Variants in SLC36A3 observed in about 807,000 individuals in gnomAD.
SLC36A3 encodes proton-coupled amino acid transporter 3.
Under a neutral mutation model 44.3 loss-of-function variants are expected in SLC36A3, and 35 were observed. That is an observed-to-expected ratio of 0.79 (90% CI 0.60 to 1.05). The LOEUF (loss-of-function observed/expected upper bound fraction) is 1.05. SLC36A3 is among the 50% of genes least tolerant of loss of function. The pLI, the probability that SLC36A3 is intolerant of heterozygous loss-of-function variation, is 0.00. For missense variants in SLC36A3, 540 were observed against 578.7 expected (o/e 0.93, Z 0.69); for synonymous variants, 211 against 227.6 (o/e 0.93, Z 0.66).
chr5:151,284,312 G>A, intron 7 of SLC36A3, 102 bp from the exon 8 acceptor site: 2 of 1,224,876 alleles, frequency 1.6e-6, no homozygotes, highest in South Asian at 1.5e-5. Context: ...TTCCCCAGGT[G>A]GGCCCAGTAT....
intron 2 of SLC36A3, chr5:151,296,500 C>G: frequency 1.7e-6 from 1 of 576,022 alleles, no homozygotes; most frequent in Non-Finnish European, 3.1e-6. Context: ...ACAGAGAGCT[C>G]ATTACCTTCC....
chr5:151,287,347 A>G lies in SLC36A3; in HGVS notation c.607T>C (p.Leu203=). The G allele has an allele frequency of 6.2e-7, 1 of 1,614,174 alleles. No individual in the cohort carries two copies. Among genetic ancestry groups the G allele is most frequent in the Non-Finnish European group, 8.5e-7 (1 of 1,180,022 alleles). The change falls in exon 6 of 10, where the codon TTG becomes CTG. Residue 203 remains leucine, a synonymous_variant. Coordinates refer to ENST00000335230, the MANE Select transcript of SLC36A3 (RefSeq NM_181774.4). ...MLIILPFLIL[L]VFIQNLKVLS... ...ACCTTGAGGTTCTGGATAAACACCA[A>G]CAGGATCAGGAAGGGCAGGATTATC...
rs17111902 is a variant in SLC36A3, at chr5:151,284,622, G to C, written c.798C>G (p.Gly266=). Residue 266 remains glycine (G), a synonymous_variant, in exon 7 of 10, where the codon GGC becomes GGG. Transcript: ENST00000335230. ...ACCCCATCAATCTTACCATACCGAC[G>C]CCTTCAAATGTGAAGATGGCTGTAC... ...FFGTAIFTFE[G]VGMVLPLKNQ... 0.053 allele frequency: 85,716 copies of C among 1,609,704 alleles called. 4,184 individuals carry two copies. The highest frequency in any genetic ancestry group is 0.27 in the African/African-American group (19,927 of 74,848).
intron 5 of SLC36A3, 130 bp downstream of exon 5, chr5:151,288,256 G>A (rs1395771195): frequency 2.1e-5 from 11 of 515,102 alleles, no homozygotes; most frequent in African/African-American, 1.8e-4. Context: ...GAGCTCCCAA[G>A]CGTGGTCTGA....
At position 151,288,436 on chromosome 5, in the gene SLC36A3, G is replaced by A. The variant is rs1379162690; in HGVS notation, c.439C>T (p.Leu147=). ...TVSFLLVITQ[L]GFCSVYFMFM... ...ATAAAATAAACACTGCAGAAGCCCA[G>A]CTGGGTGATGACTAATAAGAAGCTG... The change falls in exon 5 of 10, where the codon CTG becomes TTG. Residue 147 remains leucine (L), a synonymous_variant. Coordinates refer to ENST00000335230, the MANE Select transcript of SLC36A3 (RefSeq NM_181774.4). 1.9e-5 allele frequency: 30 copies of A among 1,599,232 alleles called. No homozygotes were observed. Among genetic ancestry groups the A allele is most frequent in the Middle Eastern group, 3.3e-4 (2 of 6,042 alleles).
intron 9 of SLC36A3, among the ~76,000 whole-genome samples, chr5:151,279,122 T>C (rs1328820451): frequency 6.6e-6 from 1 of 151,636 alleles, no homozygotes; most frequent in Non-Finnish European, 1.5e-5. Context: ...CCGTGGTACA[T>C]TCTTCACTCC....
At chr5:151,292,123 A>G (rs1754780171) in intron 4 of SLC36A3, among the ~76,000 whole-genome samples, 1 of 152,126 alleles carries the variant, frequency 6.6e-6, no homozygotes, top group Admixed American at 6.6e-5. Context: ...AGCCTCCCAA[A>G]GTGCTGGGAT....
chr5:151,303,411 T>C lies in SLC36A3; in HGVS notation c.-57A>G. The C allele has an allele frequency of 2.6e-6, 4 of 1,555,070 alleles. No homozygotes were observed. Among genetic ancestry groups the C allele is most frequent in the Non-Finnish European group, 3.5e-6 (4 of 1,142,850 alleles). ...AGGGTTAAGGCTCTGAATGAGCCTCTGATGGGTCTTTCTCCAGAGAAACCA... is the reference window on the plus strand; with the variant it reads ...AGGGTTAAGGCTCTGAATGAGCCTCCGATGGGTCTTTCTCCAGAGAAACCA... On this transcript the variant is annotated 5_prime_UTR_variant, in exon 1 of 10. Coordinates refer to ENST00000335230, the MANE Select transcript of SLC36A3 (RefSeq NM_181774.4).
chr5:151,296,560 G>A (rs954431317), intron 2 of SLC36A3: 2 of 433,380 alleles, frequency 4.6e-6, no homozygotes, highest in African/African-American at 2.0e-5. Flanking sequence ...CCAGTTTAGA[G>A]TCCCTTGTGG....
chr5:151,290,519 T>A (rs573527733), intron 4 of SLC36A3, among the ~76,000 whole-genome samples: 164 of 152,354 alleles, frequency 1.1e-3, no homozygotes, highest in African/African-American at 3.8e-3. Flanking sequence ...TTGTTCTCTA[T>A]CTCTTCAGCC....
intron 3 of SLC36A3, 107 bp from the exon 4 acceptor site, chr5:151,293,566 T>G (rs1265140890): frequency 5.7e-6 from 5 of 871,948 alleles, no homozygotes; most frequent in Non-Finnish European, 8.7e-6. Flanking sequence ...GCATGAAGCC[T>G]TCTGTCAATT....
chr5:151,303,236 G>C lies in SLC36A3; in HGVS notation c.119C>G (p.Ala40Gly), dbSNP rs375819646. 12 of 1,613,082 alleles carry C rather than the reference G, an allele frequency of 7.4e-6. No homozygotes were observed. The highest frequency in any genetic ancestry group is 1.6e-4 in the Middle Eastern group (1 of 6,072). ...TSENVHPAGE[A>G]GLSMMQTLIH... Reference sequence around the variant, plus strand: ...CGGTGCGGCCACTTACGATAGTCCAGCTTCTCCAGCAGGATGGACATTCTC... The same window carrying C: ...CGGTGCGGCCACTTACGATAGTCCACCTTCTCCAGCAGGATGGACATTCTC... The change falls in exon 1 of 10, where the codon GCT (alanine) becomes GGT (glycine). Residue 40 changes from alanine (A) to glycine (G), a missense_variant. Coordinates refer to ENST00000335230, the MANE Select transcript of SLC36A3 (RefSeq NM_181774.4).
intron 1 of SLC36A3, among the ~76,000 whole-genome samples, chr5:151,300,634 G>A (rs576073133): frequency 1.3e-5 from 2 of 152,282 alleles, no homozygotes; most frequent in African/African-American, 2.4e-5. Context: ...GGTGAGACAA[G>A]TTTTCGGAGG....
intron 1 of SLC36A3, among the ~76,000 whole-genome samples, chr5:151,302,814 A>G (rs1365086229): frequency 6.6e-6 from 1 of 152,148 alleles, no homozygotes; most frequent in Admixed American, 6.5e-5. Context: ...AGGTGGAGAC[A>G]TGGGGTTAGC....
intron 3 of SLC36A3, among the ~76,000 whole-genome samples, chr5:151,293,718 T>C (rs952418521): frequency 6.6e-6 from 1 of 152,180 alleles, no homozygotes; most frequent in Non-Finnish European, 1.5e-5. Flanking sequence ...AGCTGTGCAT[T>C]GACGTAGATC....
intron 9 of SLC36A3, among the ~76,000 whole-genome samples, chr5:151,280,712 A>G (rs1687074742): frequency 6.6e-6 from 1 of 152,198 alleles, no homozygotes; most frequent in Non-Finnish European, 1.5e-5. Context: ...TTAGGCTATC[A>G]TCAGTATTGG....
rs1476626935 is a variant in SLC36A3 at position 151,282,962 on chromosome 5, G to T, written c.974+1082C>A. Among the ~76,000 whole-genome samples the T allele has an allele frequency of 2.7e-5, 4 of 150,630 alleles. No individual in the cohort carries two copies. The East Asian group carries it at 7.8e-4, about 29-fold the overall frequency. On this transcript the variant is annotated intron_variant, in intron 8 of 9. Coordinates refer to ENST00000335230, the MANE Select transcript of SLC36A3 (RefSeq NM_181774.4). Reference sequence around the variant, plus strand: ...TGCAATGGCGTGATCTCGGCTCACTGCAACCTCTGCCTCACAGGCTCAAGC... The same window carrying T: ...TGCAATGGCGTGATCTCGGCTCACTTCAACCTCTGCCTCACAGGCTCAAGC...
chr5:151,293,189 A>G (rs930963147), intron 4 of SLC36A3, among the ~76,000 whole-genome samples, 175 bp downstream of exon 4: 11 of 152,242 alleles, frequency 7.2e-5, no homozygotes, highest in Non-Finnish European at 1.0e-4. Context: ...ACTAGGTTTC[A>G]ATGATTACCT....
At position 151,282,791 on chromosome 5, in the gene SLC36A3, C is replaced by A. The variant is rs144580861; in HGVS notation, c.974+1253G>T. Among the ~76,000 whole-genome samples the A allele has an allele frequency of 1.5e-4, 23 of 152,310 alleles. No individual in the cohort carries two copies. The East Asian group carries it at 4.4e-3, about 29-fold the overall frequency. Reference sequence around the variant, plus strand: ...CCTAGTGTATAAAAAGACCTGCTTTCCCATGTCCTTGCCTAAACAGTGTGT... The same window carrying A: ...CCTAGTGTATAAAAAGACCTGCTTTACCATGTCCTTGCCTAAACAGTGTGT... On this transcript the variant is annotated intron_variant, in intron 8 of 9. Coordinates refer to ENST00000335230, the MANE Select transcript of SLC36A3 (RefSeq NM_181774.4).
Sources: allele counts gnomAD v4.1 joint callset (sites outside exome capture counted in the v4.1 genomes callset), GRCh38; gene constraint gnomAD v4.1.1; transcripts MANE v1.5; gene names NCBI Gene and HGNC (gene_info 2026-07-23, HGNC 2026-07-21).